SNAP25: variants seen among roughly 807,000 people sequenced by gnomAD.
SNAP25 encodes the protein synaptosome associated protein 25.
A neutral mutation model predicts 28.7 loss-of-function variants in SNAP25; 3 were observed. The ratio of observed to expected loss-of-function variants is 0.10; its 90% CI spans 0.05 to 0.27. The LOEUF is 0.27. Among genes scored for constraint, SNAP25 ranks in the 10% least tolerant of loss-of-function variants. SNAP25 has a pLI of 1.00. For synonymous variants in SNAP25, 61 were observed against 88.1 expected (o/e 0.69, Z 1.72); for missense variants, 117 against 278.7 (o/e 0.42, Z 4.13).
At chr20:10,220,138 T>C (rs1218262386) in intron 1 of SNAP25, among the ~76,000 whole-genome samples, 2 of 152,178 alleles carry the variant, frequency 1.3e-5, no homozygotes, top group Non-Finnish European at 2.9e-5. Context: ...ATAGGGATGA[T>C]ACATCTCTCT....
Position 10,306,362 on chromosome 20 carries a change from T to C in SNAP25, c.*165T>C, listed in dbSNP as rs1361185448. 3.3e-6 allele frequency: 2 copies of C among 597,396 alleles called. No homozygotes were observed. Among genetic ancestry groups the C allele is most frequent in the Non-Finnish European group, 6.0e-6 (2 of 334,460 alleles). The allele number at this position is 597,396 out of a possible 1,614,324, so 37.0% of individuals were successfully genotyped here. A position where few individuals can be genotyped will look rare whatever the true frequency, so the allele number is the denominator to read the frequency against. On this transcript the variant is annotated 3_prime_UTR_variant, in exon 8 of 8. Transcript: ENST00000254976. ...GTCAGCTTCCCAACAATACTTTGTGTCTTTTGTTCTCTCTTGGTCTCTTTC... is the reference window on the plus strand; with the variant it reads ...GTCAGCTTCCCAACAATACTTTGTGCCTTTTGTTCTCTCTTGGTCTCTTTC...
chr20:10,295,426 C>A (rs952860359), intron 5 of SNAP25, among the ~76,000 whole-genome samples: 1 of 152,208 alleles, frequency 6.6e-6, no homozygotes, highest in African/African-American at 2.4e-5. Context: ...AAGCCAGACT[C>A]TAAGCCCTAT....
chr20:10,300,964 C>T (rs1278110690), intron 7 of SNAP25, among the ~76,000 whole-genome samples: 2 of 152,040 alleles, frequency 1.3e-5, no homozygotes, highest in Admixed American at 1.3e-4. Flanking sequence ...CTGAGCTGCC[C>T]TCCAACAGAA....
intron 4 of SNAP25, among the ~76,000 whole-genome samples, chr20:10,289,292 C>T (rs949675288): frequency 6.6e-6 from 1 of 152,080 alleles, no homozygotes; most frequent in Non-Finnish European, 1.5e-5. Context: ...CCCAAATGAC[C>T]CTGGCACTAA....
intron 1 of SNAP25, among the ~76,000 whole-genome samples, chr20:10,263,434 C>G (rs959045731): frequency 6.6e-6 from 1 of 152,130 alleles, no homozygotes; most frequent in Admixed American, 6.5e-5. Flanking sequence ...GAAGGCAAAA[C>G]TGTTACTAAG....
intron 1 of SNAP25, among the ~76,000 whole-genome samples, chr20:10,238,094 C>T (rs363033): frequency 6.6e-6 from 1 of 152,168 alleles, no homozygotes; most frequent in Non-Finnish European, 1.5e-5. Context: ...TGTCTGCATA[C>T]TCAAGACATC....
intron 1 of SNAP25, among the ~76,000 whole-genome samples, chr20:10,231,773 G>C (rs765604): frequency 2.0e-5 from 3 of 152,144 alleles, no homozygotes; most frequent in East Asian, 3.9e-4. Flanking sequence ...ATGCCTATTA[G>C]AGCATTTCAG....
At chr20:10,275,069 T>TTATTTAAA (rs1555791827) in intron 1 of SNAP25, among the ~76,000 whole-genome samples, 1 of 131,930 alleles carries the variant, frequency 7.6e-6, no homozygotes, top group African/African-American at 2.8e-5. Flanking sequence ...ATAGAGCTAT[T>TTATTTAAA]TAAATAAATA....
At chr20:10,275,639 G>A in intron 2 of SNAP25, 76 bp downstream of exon 2, 1 of 1,248,554 alleles carries the variant, frequency 8.0e-7, no homozygotes, top group Non-Finnish European at 1.1e-6. Flanking sequence ...TTCAGGTAGG[G>A]AAAGCCTTTC....
chr20:10,296,808 A>G, intron 5 of SNAP25, 117 bp from the exon 6 acceptor site: 1 of 1,496,338 alleles, frequency 6.7e-7, no homozygotes, highest in Non-Finnish European at 9.1e-7. Flanking sequence ...GGTATTATCT[A>G]ATGCCTCGAC....
In SNAP25 at chr20:10,256,809, C is replaced by G. The variant is rs527696084; in HGVS notation, c.-63-18620C>G. On this transcript the variant is annotated intron_variant, in intron 1 of 7. Transcript: ENST00000254976. ...CAAAACAACTCTAAACATCCAGTAA[C>G]AGGAGATTAGCCAAATAAATCTTAA... is the stretch of plus-strand genomic sequence containing the variant. 8.5e-5 allele frequency among the ~76,000 whole-genome samples: 13 copies of G among 152,212 alleles called. No homozygotes were observed. In the South Asian group the frequency reaches 2.5e-3, roughly 29 times the overall value.
chr20:10,273,665 T>C (rs2063637572), intron 1 of SNAP25, among the ~76,000 whole-genome samples: 1 of 152,190 alleles, frequency 6.6e-6, no homozygotes, highest in Admixed American at 6.5e-5. Context: ...TCATGGACTG[T>C]CTCTAGCCAC....
Position 10,284,772 on chromosome 20 carries a change from G to C in SNAP25, c.163G>C (p.Glu55Gln). 6.2e-7 allele frequency: 1 copy of C among 1,610,956 alleles called. No individual in the cohort carries two copies. Among genetic ancestry groups the C allele is most frequent in the Non-Finnish European group, 8.5e-7 (1 of 1,177,434 alleles). ...RTLVMLDEQG[E>Q]QLERIEEGMD... ...TTTGGTTATGTTGGATGAACAAGGA[G>C]GTAAGTTCAGATTTCTTCAGTAAGA... The change falls in exon 4 of 8, where the codon GAA (glutamate) becomes CAA (glutamine). Residue 55 changes from glutamate (E) to glutamine (Q), a missense_variant and splice_region_variant. Physicochemically the swap from Glu to Gln is conservative, Grantham distance 29 (BLOSUM62 2). Around this residue, in one of 3 missense-constraint regions of SNAP25, gnomAD observed 88 missense variants for 206.9 expected, o/e 0.43. Coordinates refer to ENST00000254976, the MANE Select transcript of SNAP25 (RefSeq NM_130811.4).
intron 1 of SNAP25, among the ~76,000 whole-genome samples, chr20:10,233,757 T>A (rs1211308381): frequency 1.3e-5 from 2 of 152,238 alleles, no homozygotes; most frequent in Non-Finnish European, 2.9e-5. Context: ...CGACTTGTTC[T>A]ATTCCCTTCT....
At chr20:10,260,502 A>G (rs537382485) in intron 1 of SNAP25, among the ~76,000 whole-genome samples, 63 of 152,000 alleles carry the variant, frequency 4.1e-4, no homozygotes, top group African/African-American at 1.5e-3. Flanking sequence ...CACCACCAGC[A>G]GCAGCATCAG....
At chr20:10,232,140 T>C (rs1390158561) in intron 1 of SNAP25, among the ~76,000 whole-genome samples, 1 of 152,216 alleles carries the variant, frequency 6.6e-6, no homozygotes, top group Non-Finnish European at 1.5e-5. Flanking sequence ...TGTACATTGA[T>C]TCCACTTTCT....
chr20:10,227,311 G>A (rs1383783677), intron 1 of SNAP25, among the ~76,000 whole-genome samples: 1 of 151,992 alleles, frequency 6.6e-6, no homozygotes, highest in South Asian at 2.1e-4. Flanking sequence ...TGAGAGCAAG[G>A]GTAATATCTT....
At chr20:10,268,335 G>A (rs1221124316) in intron 1 of SNAP25, among the ~76,000 whole-genome samples, 1 of 152,174 alleles carries the variant, frequency 6.6e-6, no homozygotes, top group Non-Finnish European at 1.5e-5. Context: ...ACAGTGTGGC[G>A]AGACATCAAG....
At chr20:10,287,894 T>C (rs2063914999) in intron 4 of SNAP25, among the ~76,000 whole-genome samples, 1 of 151,672 alleles carries the variant, frequency 6.6e-6, no homozygotes. Context: ...TCATTCTCAG[T>C]AAACTATTGC....
Sources: gnomAD v4.1 joint callset for allele counts (sites outside exome capture counted in the v4.1 genomes callset) on GRCh38, gnomAD v4.1.1 for gene constraint, gnomAD v4.1.1 regional missense constraint, MANE v1.5 for transcripts, NCBI Gene and HGNC (gene_info 2026-07-23, HGNC 2026-07-21) for gene names.